The following UMAD1 variants were observed in gnomAD, a reference collection of about 807,000 sequenced individuals.
UMAD1 encodes the protein UBAP1-MVB12-associated (UMA)-domain containing protein 1.
A neutral mutation model predicts 6.1 loss-of-function variants in UMAD1; 8 were observed. That is an observed-to-expected ratio of 1.30 (90% CI 0.76 to 2.35). The LOEUF (loss-of-function observed/expected upper bound fraction) is 2.35, where lower values mean the gene tolerates loss of function less well. Ranked by LOEUF, UMAD1 falls within the 30% of genes most tolerant of loss-of-function variation. The pLI is 0.00. For missense variants in UMAD1, 130 were observed against 78.4 expected, an observed-to-expected ratio of 1.66 and a Z score of -2.49; for synonymous variants, 56 against 31.4, an observed-to-expected ratio of 1.78 and a Z score of -2.61.
intron 2 of UMAD1, among the ~76,000 whole-genome samples, chr7:7,697,449 T>G (rs74893567): frequency 6.6e-6 from 1 of 152,212 alleles, no homozygotes; most frequent in African/African-American, 2.4e-5. Context: ...AGGTATCTTA[T>G]GGGTACATAC....
At chr7:7,821,137 G>A (rs1288658882) in intron 3 of UMAD1, among the ~76,000 whole-genome samples, 1 of 152,130 alleles carries the variant, frequency 6.6e-6, no homozygotes, top group East Asian at 1.9e-4. Context: ...GATCTGACTC[G>A]CAGGAAAACA....
intron 2 of UMAD1, among the ~76,000 whole-genome samples, chr7:7,793,763 G>A (rs951465857): frequency 6.6e-6 from 1 of 152,118 alleles, no homozygotes; most frequent in Non-Finnish European, 1.5e-5. Flanking sequence ...ATGTCCAAAA[G>A]CAAATAAATT....
chr7:7,714,755 C>G (rs1780851158), intron 2 of UMAD1, among the ~76,000 whole-genome samples: 1 of 151,786 alleles, frequency 6.6e-6, no homozygotes, highest in African/African-American at 2.4e-5. Flanking sequence ...AAGCAAGTAA[C>G]AGGTTGGAAG....
intron 1 of UMAD1, among the ~76,000 whole-genome samples, chr7:7,665,440 G>A (rs7805802): frequency 0.57 from 86,449 of 151,960 alleles, 24,938 homozygotes; most frequent in East Asian, 0.8. Context: ...CACAAAGTGG[G>A]TTAAGAGATT....
chr7:7,777,233 G>T (rs1459688070), intron 2 of UMAD1, among the ~76,000 whole-genome samples: 1 of 151,926 alleles, frequency 6.6e-6, no homozygotes, highest in Non-Finnish European at 1.5e-5. Flanking sequence ...CAGGCTGGGC[G>T]TGGCGGCTCA....
rs1780451198 is a variant in UMAD1 at position 7,701,089 on chromosome 7, T to G, written c.82+27636T>G. ...AAGTCATACAAGTATAATTCACACT[T>G]GGATCTCTATCGCCATTTGGTTAAT... On this transcript the variant is annotated intron_variant, in intron 2 of 3. Coordinates refer to ENST00000682710, the MANE Select transcript of UMAD1 (RefSeq NM_001302348.2). Among the ~76,000 whole-genome samples the G allele has an allele frequency of 2.0e-5, 3 of 152,190 alleles. No individual in the cohort carries two copies. In the South Asian group the frequency reaches 6.2e-4, roughly 32 times the overall value.
intron 2 of UMAD1, among the ~76,000 whole-genome samples, chr7:7,698,556 C>CT (rs1270661242): frequency 5.4e-4 from 81 of 151,198 alleles, no homozygotes; most frequent in African/African-American, 1.8e-3. Context: ...TTTTTCTTTT[C>CT]TTTTTTTTTG....
At chr7:7,747,427 C>G (rs1781593318) in intron 2 of UMAD1, among the ~76,000 whole-genome samples, 1 of 152,120 alleles carries the variant, frequency 6.6e-6, no homozygotes, top group Admixed American at 6.5e-5. Flanking sequence ...CATCTTGGTT[C>G]ATGGATGAGG....
chr7:7,748,731 A>G (rs1213603742), intron 2 of UMAD1, among the ~76,000 whole-genome samples: 3 of 151,960 alleles, frequency 2.0e-5, no homozygotes, highest in Admixed American at 2.0e-4. Context: ...GTACATTTAT[A>G]GACATATAAG....
intron 3 of UMAD1, among the ~76,000 whole-genome samples, chr7:7,803,552 C>T (rs954019256): frequency 3.3e-5 from 5 of 152,184 alleles, no homozygotes; most frequent in East Asian, 1.9e-4. Context: ...ACTTGAGTTT[C>T]GTTGCTTAGT....
intron 3 of UMAD1, among the ~76,000 whole-genome samples, chr7:7,835,500 T>TTTTTTTA (rs776524699): frequency 7.8e-5 from 8 of 102,444 alleles, no homozygotes; most frequent in East Asian, 5.9e-4. Context: ...TTTTTTTTTT[T>TTTTTTTA]AGCTCTTAGC....
intron 1 of UMAD1, among the ~76,000 whole-genome samples, chr7:7,663,281 T>C (rs1427977897): frequency 9.7e-6 from 1 of 103,054 alleles, no homozygotes; most frequent in Non-Finnish European, 2.1e-5. Context: ...AAGATAGTTT[T>C]TTCTTTCTTT....
At chr7:7,680,894 A>G (rs138985417) in intron 2 of UMAD1, among the ~76,000 whole-genome samples, 17 of 152,114 alleles carry the variant, frequency 1.1e-4, no homozygotes, top group South Asian at 4.1e-4. Context: ...TTGATTTTGT[A>G]TGCCGTAACC....
chr7:7,768,311 A>G (rs544592650), intron 2 of UMAD1, among the ~76,000 whole-genome samples: 15 of 152,288 alleles, frequency 9.8e-5, no homozygotes, highest in African/African-American at 3.6e-4. Context: ...AATTTTGCCA[A>G]ATGTGTGTTT....
At chr7:7,778,436 CT>C (rs149658210) in intron 2 of UMAD1, among the ~76,000 whole-genome samples, 32 of 146,776 alleles carry the variant, frequency 2.2e-4, no homozygotes, top group Admixed American at 1.2e-3. Flanking sequence ...TCTTTCTTTT[CT>C]TTTTTTTTTA....
chr7:7,712,532 A>T lies in UMAD1; in HGVS notation c.82+39079A>T, dbSNP rs74752761. 1.9e-3 allele frequency among the ~76,000 whole-genome samples: 288 copies of T among 152,304 alleles called. 3 individuals are homozygous for T. Among genetic ancestry groups the T allele is most frequent in the African/African-American group, 6.8e-3 (281 of 41,564 alleles). ...GCCAGCATAGAAACATGTAGCTGAT[A>T]CTTGTAGCAACCATCTTGATAAAAT... On this transcript the variant is annotated intron_variant, in intron 2 of 3. Transcript: ENST00000682710.
chr7:7,857,234 T>C (rs1784034897), intron 3 of UMAD1, among the ~76,000 whole-genome samples: 1 of 152,224 alleles, frequency 6.6e-6, no homozygotes, highest in African/African-American at 2.4e-5. Flanking sequence ...TCTTCCACAG[T>C]TAAGGGTCCA....
intron 2 of UMAD1, among the ~76,000 whole-genome samples, chr7:7,714,885 CA>C (rs1272526470): frequency 7.8e-6 from 1 of 127,962 alleles, no homozygotes; most frequent in African/African-American, 3.0e-5. Context: ...TTGATAGTAA[CA>C]CTTGCAGACC....
chr7:7,686,353 A>T (rs1281820487), intron 2 of UMAD1, among the ~76,000 whole-genome samples: 2 of 152,196 alleles, frequency 1.3e-5, no homozygotes, highest in Admixed American at 1.3e-4. Context: ...TTAGAATGTT[A>T]TCCCATTGGC....
Sources: allele counts gnomAD v4.1 joint callset (sites outside exome capture counted in the v4.1 genomes callset), GRCh38; gene constraint gnomAD v4.1.1; transcripts MANE v1.5; gene names NCBI Gene and HGNC (gene_info 2026-07-23, HGNC 2026-07-21).